Variants in PYGM observed in about 807,000 individuals in gnomAD.
PYGM encodes glycogen phosphorylase, muscle form.
PYGM carries 81 observed loss-of-function variants against 99.3 expected under a neutral mutation model. The ratio of observed to expected loss-of-function variants is 0.82; its 90% CI spans 0.68 to 0.98. PYGM has a LOEUF of 0.98. Among genes scored for constraint, PYGM ranks in the 50% least tolerant of loss-of-function variants. The pLI is 0.00. For missense variants in PYGM, 1,030 were observed against 1,158.1 expected (o/e 0.89, Z 1.61); for synonymous variants, 436 against 451.5 (o/e 0.97, Z 0.44).
rs777245778 is a variant in PYGM, at chr11:64,754,005, C to T, written c.1113G>A (p.Arg371=). 1.2e-6 allele frequency: 2 copies of T among 1,605,410 alleles called. No individual in the cohort carries two copies. The highest frequency in any genetic ancestry group is 1.7e-6 in the Non-Finnish European group (2 of 1,175,954). Reference sequence around the variant, plus strand: ...CCGTGTGGTTGGTGTAGGCACAGGTCCTCACTGTCACATCCCACGCCTGGC... The same window carrying T: ...CCGTGTGGTTGGTGTAGGCACAGGTTCTCACTGTCACATCCCACGCCTGGC... ...DWDKAWDVTV[R]TCAYTNHTVL... Residue 371 remains arginine, a synonymous_variant, in exon 10 of 20, where the codon AGG becomes AGA. Coordinates refer to ENST00000164139, the MANE Select transcript of PYGM (RefSeq NM_005609.4). This position sits in a 1 kb window ranked among gnomAD's most constrained non-coding sequence, Gnocchi z 5.5.
At position 64,752,434 on chromosome 11, in the gene PYGM, G is replaced by A; in HGVS notation, c.1589C>T (p.Ala530Val). 4 of 1,614,232 alleles carry A rather than the reference G, an allele frequency of 2.5e-6. No homozygotes were observed. The highest frequency in any genetic ancestry group is 3.4e-6 in the Non-Finnish European group (4 of 1,180,024). Residue 530 changes from alanine (A) to valine (V), a missense_variant, in exon 13 of 20, where the codon GCT becomes GTT. Physicochemically the swap from Ala to Val is moderately conservative, Grantham distance 64 (BLOSUM62 0). Coordinates refer to ENST00000164139, the MANE Select transcript of PYGM (RefSeq NM_005609.4). ...CACTTTGGCCACATCCCGAATGAAA[G>A]CTTCATCATCCACAAAGGAGAGCAG... ...RKLLSFVDDEAFIRDVAKVKQ... is the reference protein window; with the variant it reads ...RKLLSFVDDEVFIRDVAKVKQ...
At position 64,751,504 on chromosome 11, in the gene PYGM, G is replaced by A. The variant is rs759168165; in HGVS notation, c.1828-38C>T. On this transcript the variant is annotated intron_variant, in intron 15 of 19. Coordinates refer to ENST00000164139, the MANE Select transcript of PYGM (RefSeq NM_005609.4). ...AGTCTGGGGTCAGCTCTACTGCCTGGCCCCCCACCCCCTATCCTGCAACTC... is the reference window on the plus strand; with the variant it reads ...AGTCTGGGGTCAGCTCTACTGCCTGACCCCCCACCCCCTATCCTGCAACTC... 139 of 1,613,902 alleles carry A rather than the reference G, an allele frequency of 8.6e-5. No homozygotes were observed. The Admixed American group carries it at 2.3e-3, about 27-fold the overall frequency.
At chr11:64,757,647 G>C in intron 5 of PYGM, 132 bp downstream of exon 5, 1 of 1,347,974 alleles carries the variant, frequency 7.4e-7, no homozygotes, top group Non-Finnish European at 1.0e-6. Flanking sequence ...GTGTGACTTT[G>C]AGTAAGTCAC....
chr11:64,747,810 G>T (rs935996301), intron 17 of PYGM: 12 of 264,320 alleles, frequency 4.5e-5, no homozygotes, highest in Non-Finnish European at 8.2e-5. Context: ...AGGCCGAGGT[G>T]GGCGGATCAT....
At chr11:64,756,639 GACTGGGTTTC>G (rs2058396253) in intron 5 of PYGM, among the ~76,000 whole-genome samples, 1 of 152,110 alleles carries the variant, frequency 6.6e-6, no homozygotes, top group Non-Finnish European at 1.5e-5. Flanking sequence ...TTTTAGTAGA[GACTGGGTTTC>G]ACCATATTGG....
At chr11:64,758,979 C>T (rs537716354) in intron 1 of PYGM, among the ~76,000 whole-genome samples, 3 of 1,122 alleles carry the variant, frequency 2.7e-3, no homozygotes, top group East Asian at 0.17. Flanking sequence ...CTGAGGTACT[C>T]GGGAGAATGG....
In PYGM at chr11:64,754,900, T is replaced by C. The variant is rs562905262; in HGVS notation, c.856-64A>G. On this transcript the variant is annotated intron_variant, in intron 7 of 19. Transcript: ENST00000164139. The surrounding 1 kb of genome is among the most constrained non-coding windows in gnomAD (Gnocchi z 5.5). ...GGGCATGGCCTAAAGCTGCGGTGGG[T>C]GTGGCCAGGAGGGACTCCCACCCAT... 2 of 1,597,984 alleles carry C rather than the reference T, an allele frequency of 1.3e-6. No homozygotes were observed. Among genetic ancestry groups the C allele is most frequent in the Non-Finnish European group, 1.7e-6 (2 of 1,173,840 alleles).
intron 11 of PYGM, 68 bp from the exon 12 acceptor site, chr11:64,753,255 C>T (rs2058369264): frequency 2.8e-6 from 4 of 1,453,980 alleles, no homozygotes; most frequent in South Asian, 1.1e-5. Flanking sequence ...CCCTGGGGCC[C>T]CTACCCTGGT....
At chr11:64,753,037 C>T (rs200211011) in intron 12 of PYGM, 36 bp downstream of exon 12, 15 of 1,527,322 alleles carry the variant, frequency 9.8e-6, no homozygotes, top group Non-Finnish European at 1.2e-5. Flanking sequence ...TGCAGGGACC[C>T]ATGTTGACTC....
chr11:64,759,574 G>A, intron 1 of PYGM, 82 bp downstream of exon 1: 2 of 1,590,516 alleles, frequency 1.3e-6, no homozygotes, highest in Non-Finnish European at 1.7e-6. Flanking sequence ...AGAGTGACGA[G>A]GGGCAGCCAC....
chr11:64,751,541 C>A, intron 15 of PYGM, 56 bp downstream of exon 15: 1 of 1,614,154 alleles, frequency 6.2e-7, no homozygotes, highest in Non-Finnish European at 8.5e-7. Flanking sequence ...GCTGGGCTGA[C>A]CTCAACCTGG....
chr11:64,751,654 G>A lies in PYGM; in HGVS notation c.1770C>T (p.Arg590=). Residue 590 remains arginine, a splice_region_variant and synonymous_variant, in exon 15 of 20, where the codon CGC becomes CGT. Transcript: ENST00000164139. ...NCLHVITLYN[R]IKREPNKFFV... is the part of the protein sequence containing the mutation. ...AAAACTTATTGGGCTCCCTCTTGAT[G>A]CCTGTGGAGAAACGAGAGGGATCCA... 2 of 1,613,976 alleles carry A rather than the reference G, an allele frequency of 1.2e-6. No homozygotes were observed. Among genetic ancestry groups the A allele is most frequent in the Non-Finnish European group, 1.7e-6 (2 of 1,179,878 alleles).
Position 64,758,734 on chromosome 11 carries a change from G to A in PYGM, c.244-30C>T, listed in dbSNP as rs754438805. The A allele has an allele frequency of 9.6e-6, 15 of 1,554,546 alleles. No individual in the cohort carries two copies. In the South Asian group the frequency reaches 1.6e-4, roughly 16 times the overall value. ...CCAGAGAGACGGATGGGCAGGGAAT[G>A]GGGTCAGGGCCACACACCAACACTC... is the stretch of plus-strand genomic sequence containing the variant. On this transcript the variant is annotated intron_variant, in intron 1 of 19. Coordinates refer to ENST00000164139, the MANE Select transcript of PYGM (RefSeq NM_005609.4).
At chr11:64,751,834 G>T in intron 14 of PYGM, 90 bp downstream of exon 14, 1 of 1,573,226 alleles carries the variant, frequency 6.4e-7, no homozygotes, top group Non-Finnish European at 8.7e-7. Context: ...GTAGTCCCAA[G>T]TCCAAAGGAG....
intron 13 of PYGM, 123 bp from the exon 14 acceptor site, chr11:64,752,194 T>G (rs2058361580): frequency 1.4e-6 from 2 of 1,425,414 alleles, no homozygotes; most frequent in Admixed American, 1.7e-5. Flanking sequence ...TTCTGTCCAC[T>G]CCTGTACCAG....
At position 64,758,237 on chromosome 11, in the gene PYGM, G is replaced by C. The variant is rs371349986; in HGVS notation, c.528+9C>G. 1.9e-6 allele frequency: 3 copies of C among 1,603,526 alleles called. No homozygotes were observed. Among genetic ancestry groups the C allele is most frequent in the Non-Finnish European group, 1.7e-6 (2 of 1,170,524 alleles). On this transcript the variant is annotated intron_variant, in intron 4 of 19. Transcript: ENST00000164139. ...CTAGACCCCACAAGTTAGAGCCAAG[G>C]CTGCTCACCTGCCAGCCCCCGGAGA...
At chr11:64,760,091 A>T (rs1208575566), upstream of PYGM, 10 of 845,140 alleles carry the variant, frequency 1.2e-5, no homozygotes, top group Non-Finnish European at 1.6e-5. Flanking sequence ...GGGCAAGGGG[A>T]GGAGAGGAGA....
upstream of PYGM, chr11:64,760,023 G>A (rs753705988): frequency 7.8e-6 from 11 of 1,417,070 alleles, no homozygotes; most frequent in African/African-American, 7.1e-5. Context: ...TGGGCAGCAC[G>A]CCCCGCCTCC....
chr11:64,747,270 G>A lies in PYGM; in HGVS notation c.2266C>T (p.Pro756Ser). 1 of 1,614,186 alleles carries A rather than the reference G, an allele frequency of 6.2e-7. No homozygotes were observed. The highest frequency in any genetic ancestry group is 8.5e-7 in the Non-Finnish European group (1 of 1,179,986). Reference protein sequence around the residue: ...LSSGFFSPKQPDLFKDIVNML... With the variant: ...LSSGFFSPKQSDLFKDIVNML... Reference sequence around the variant, plus strand: ...TTGACAATGTCCTTGAACAGGTCGGGCTGTTTGGGGGAGAAGAAGCCACTG... The same window carrying A: ...TTGACAATGTCCTTGAACAGGTCGGACTGTTTGGGGGAGAAGAAGCCACTG... The change falls in exon 18 of 20, where the codon CCC becomes TCC. Residue 756 changes from proline (P) to serine (S), a missense_variant. Pro to Ser is a moderately conservative substitution (Grantham distance 74). Coordinates refer to ENST00000164139, the MANE Select transcript of PYGM (RefSeq NM_005609.4).
Sources: allele counts gnomAD v4.1 joint callset (sites outside exome capture counted in the v4.1 genomes callset), GRCh38; gene constraint gnomAD v4.1.1; non-coding constraint Gnocchi (gnomAD v3.1); transcripts MANE v1.5; gene names NCBI Gene and HGNC (gene_info 2026-07-23, HGNC 2026-07-21).